Variants in CDC40 observed in about 807,000 individuals in gnomAD.
The protein encoded by CDC40 is pre-mRNA-processing factor 17.
Under a neutral mutation model 80.6 loss-of-function variants are expected in CDC40, and 27 were observed. That is an observed-to-expected ratio of 0.33 (90% CI 0.25 to 0.46). The LOEUF is 0.46. Ranked by LOEUF, CDC40 falls within the 20% of genes least tolerant of loss-of-function variation. The pLI, the probability that CDC40 is intolerant of heterozygous loss-of-function variation, is 1.00. For missense variants in CDC40, 486 were observed against 694.1 expected, an observed-to-expected ratio of 0.70 and a Z score of 3.37; for synonymous variants, 221 against 232.6, an observed-to-expected ratio of 0.95 and a Z score of 0.45.
chr6:110,193,332 G>T (rs1200395581), intron 2 of CDC40, 64 bp downstream of exon 2: 10 of 903,200 alleles, frequency 1.1e-5, no homozygotes, highest in Non-Finnish European at 1.3e-5. Flanking sequence ...AGATAATTAG[G>T]TGCAGCAGTG....
At chr6:110,199,319 G>A (rs919652156) in intron 2 of CDC40, among the ~76,000 whole-genome samples, 39 of 151,428 alleles carry the variant, frequency 2.6e-4, no homozygotes, top group East Asian at 9.7e-4. Context: ...GTGGCGGGGC[G>A]CGGTGGCTCA....
intron 6 of CDC40, chr6:110,211,441 T>C (rs1290459145): frequency 6.6e-6 from 1 of 152,216 alleles, no homozygotes; most frequent in East Asian, 1.9e-4. Context: ...ACATCAGATA[T>C]TTAGGTTTGA....
At chr6:110,220,933 ACAATT>A (rs1172217684) in intron 12 of CDC40, among the ~76,000 whole-genome samples, 1 of 152,208 alleles carries the variant, frequency 6.6e-6, no homozygotes, top group African/African-American at 2.4e-5. Context: ...TTATGGGAGT[ACAATT>A]CAAGATAAGA....
Position 110,212,189 on chromosome 6 carries a change from G to A in CDC40, c.784G>A (p.Gly262Ser), listed in dbSNP as rs1435370277. 3 of 1,612,762 alleles carry A rather than the reference G, an allele frequency of 1.9e-6. No homozygotes were observed. The highest frequency in any genetic ancestry group is 2.5e-6 in the Non-Finnish European group (3 of 1,178,916). ...RSYLHIPQDV[G>S]VNLRSTMPPE... ...CTATCTTCACATACCTCAGGATGTT[G>A]GTGTTAATCTACGGTCAACTATGCC... The change falls in exon 7 of 15, where the codon GGT (glycine) becomes AGT (serine). Residue 262 changes from glycine (G) to serine (S), a missense_variant. This residue lies in a region of CDC40 where 381 missense variants were observed against 492.1 expected (regional missense o/e 0.77). Transcript: ENST00000307731.
intron 1 of CDC40, among the ~76,000 whole-genome samples, chr6:110,185,817 A>G (rs535642760): frequency 2.3e-4 from 35 of 152,354 alleles, no homozygotes; most frequent in African/African-American, 8.4e-4. Flanking sequence ...TTTTAAAAGT[A>G]TAGTCATAAA....
At chr6:110,191,605 CAT>C (rs1359274266) in intron 1 of CDC40, among the ~76,000 whole-genome samples, 2 of 152,162 alleles carry the variant, frequency 1.3e-5, no homozygotes, top group Non-Finnish European at 2.9e-5. Flanking sequence ...AGATAACAAT[CAT>C]GTGGATATCC....
chr6:110,203,396 A>G (rs1022278328), intron 3 of CDC40, among the ~76,000 whole-genome samples: 1 of 152,108 alleles, frequency 6.6e-6, no homozygotes, highest in Non-Finnish European at 1.5e-5. Context: ...ATGAAATGTA[A>G]GGCTGTGAGA....
intron 2 of CDC40, among the ~76,000 whole-genome samples, chr6:110,198,809 T>G (rs1206015722): frequency 6.6e-6 from 1 of 152,216 alleles, no homozygotes; most frequent in East Asian, 1.9e-4. Flanking sequence ...GAACACAAAT[T>G]TACTCTTAAA....
At chr6:110,204,137 C>G (rs1444160593) in intron 3 of CDC40, among the ~76,000 whole-genome samples, 2 of 152,106 alleles carry the variant, frequency 1.3e-5, no homozygotes, top group Non-Finnish European at 2.9e-5. Context: ...CCTCAGCCTC[C>G]CTAGTAGCTG....
intron 12 of CDC40, among the ~76,000 whole-genome samples, chr6:110,220,667 G>A (rs979037922): frequency 3.7e-4 from 56 of 152,022 alleles, no homozygotes; most frequent in Non-Finnish European, 5.4e-4. Context: ...GGATGGTCTC[G>A]ATTTCCTGAC....
intron 1 of CDC40, among the ~76,000 whole-genome samples, chr6:110,181,514 T>C (rs1562197264): frequency 6.6e-6 from 1 of 152,208 alleles, no homozygotes; most frequent in Non-Finnish European, 1.5e-5. Context: ...CAAGTCTAGT[T>C]TAATGACTTA....
intron 3 of CDC40, among the ~76,000 whole-genome samples, chr6:110,205,199 T>A (rs1442801143): frequency 2.0e-5 from 3 of 152,112 alleles, no homozygotes; most frequent in Non-Finnish European, 4.4e-5. Context: ...GGTATAATAA[T>A]AAAATCAATA....
At chr6:110,199,346 A>T (rs1338348910) in intron 2 of CDC40, among the ~76,000 whole-genome samples, 1 of 151,728 alleles carries the variant, frequency 6.6e-6, no homozygotes, top group African/African-American at 2.4e-5. Flanking sequence ...TAGACATCCC[A>T]GCACTTTGGG....
chr6:110,218,652 C>T (rs1480392561), intron 10 of CDC40, among the ~76,000 whole-genome samples: 3 of 152,112 alleles, frequency 2.0e-5, no homozygotes, highest in Non-Finnish European at 4.4e-5. Flanking sequence ...TTTAATATTA[C>T]TGATGCCTGA....
intron 9 of CDC40, among the ~76,000 whole-genome samples, chr6:110,216,189 A>G (rs1012059652): frequency 6.6e-6 from 1 of 152,228 alleles, no homozygotes; most frequent in Non-Finnish European, 1.5e-5. Context: ...GAAAGAAAGA[A>G]GGCCAAAGGG....
intron 9 of CDC40, among the ~76,000 whole-genome samples, chr6:110,216,632 G>A (rs1343099508): frequency 4.6e-5 from 7 of 152,120 alleles, no homozygotes; most frequent in African/African-American, 1.2e-4. Flanking sequence ...ACCATGACAC[G>A]TACCTCCTGA....
chr6:110,222,473 C>T (rs1197270686), intron 12 of CDC40, among the ~76,000 whole-genome samples: 1 of 152,188 alleles, frequency 6.6e-6, no homozygotes, highest in East Asian at 1.9e-4. Context: ...AGGAGAATCG[C>T]TTGAACCCGG....
intron 1 of CDC40, among the ~76,000 whole-genome samples, chr6:110,185,273 C>T (rs1246232071): frequency 7.6e-6 from 1 of 131,472 alleles, no homozygotes; most frequent in Non-Finnish European, 1.5e-5. Context: ...GACGGAGTCT[C>T]GCTCTGTCGC....
At chr6:110,227,948 TAAC>T (rs1562208823) in intron 13 of CDC40, among the ~76,000 whole-genome samples, 2 of 152,226 alleles carry the variant, frequency 1.3e-5, no homozygotes, top group Admixed American at 6.5e-5. Context: ...CATGCATTCC[TAAC>T]AACAAGGGTA....
Sources: allele counts gnomAD v4.1 joint callset (sites outside exome capture counted in the v4.1 genomes callset), GRCh38; gene constraint gnomAD v4.1.1; regional missense constraint gnomAD v4.1.1; transcripts MANE v1.5; gene names NCBI Gene and HGNC (gene_info 2026-07-23, HGNC 2026-07-21).